The following GAK variants were observed in gnomAD, a reference collection of about 807,000 sequenced individuals.
GAK encodes cyclin G associated kinase.
Under a neutral mutation model 143.9 loss-of-function variants are expected in GAK, and 79 were observed. The observed-to-expected ratio is 0.55, with a 90% CI of 0.46 to 0.66. The LOEUF (loss-of-function observed/expected upper bound fraction) is 0.66, where lower values mean the gene tolerates loss of function less well. Ranked by LOEUF, GAK falls within the 30% of genes least tolerant of loss-of-function variation. GAK has a pLI of 0.00. For synonymous variants in GAK, 881 were observed against 765.5 expected, an observed-to-expected ratio of 1.15 and a Z score of -2.49; for missense variants, 1,693 against 1,779.7, an observed-to-expected ratio of 0.95 and a Z score of 0.88.
At chr4:872,948 C>T (rs953281551) in intron 18 of GAK, among the ~76,000 whole-genome samples, 1 of 151,704 alleles carries the variant, frequency 6.6e-6, no homozygotes, top group African/African-American at 2.4e-5. Context: ...AGGCTCACCA[C>T]GCAGGGAACA....
At chr4:873,164 T>C (rs980431163) in intron 18 of GAK, among the ~76,000 whole-genome samples, 1 of 152,232 alleles carries the variant, frequency 6.6e-6, no homozygotes, top group Admixed American at 6.5e-5. Context: ...TTCCTTTTAA[T>C]GTATGCATTT....
At chr4:878,275 G>C (rs1388139253) in intron 15 of GAK, among the ~76,000 whole-genome samples, 1 of 152,046 alleles carries the variant, frequency 6.6e-6, no homozygotes, top group Admixed American at 6.5e-5. Context: ...TGTAATCCCA[G>C]CTACTCGGGA....
At chr4:857,406 C>T (rs182429815) in intron 24 of GAK, among the ~76,000 whole-genome samples, 11 of 152,284 alleles carry the variant, frequency 7.2e-5, no homozygotes, top group East Asian at 1.9e-4. Flanking sequence ...TTTCAACATT[C>T]GGTGAAATTC....
At chr4:917,543 C>T (rs1289766022) in intron 1 of GAK, among the ~76,000 whole-genome samples, 2 of 152,156 alleles carry the variant, frequency 1.3e-5, no homozygotes, top group African/African-American at 4.8e-5. Flanking sequence ...AGTACATATA[C>T]ACATACAGTT....
chr4:926,002 C>A (rs1724658547), intron 1 of GAK, among the ~76,000 whole-genome samples: 2 of 152,066 alleles, frequency 1.3e-5, no homozygotes, highest in South Asian at 4.1e-4. Flanking sequence ...CAGTGGTGAG[C>A]CCACCCGGGG....
chr4:851,464 C>T (rs1344603541), intron 25 of GAK: 2 of 543,136 alleles, frequency 3.7e-6, no homozygotes, highest in African/African-American at 3.8e-5. Context: ...ACAGGGCTAC[C>T]ATCCTGATGC....
At chr4:903,929 G>A (rs867779361) in intron 5 of GAK, among the ~76,000 whole-genome samples, 36 of 152,242 alleles carry the variant, frequency 2.4e-4, no homozygotes, top group Non-Finnish European at 4.1e-4. Flanking sequence ...GATCTCTGTC[G>A]GCAAAGGCCT....
intron 24 of GAK, among the ~76,000 whole-genome samples, chr4:855,116 C>CT (rs1302200834): frequency 6.6e-6 from 1 of 152,182 alleles, no homozygotes; most frequent in Non-Finnish European, 1.5e-5. Flanking sequence ...TCATTTGTAT[C>CT]TAGGAAAATC....
chr4:862,486 C>G (rs1015285313), intron 23 of GAK, among the ~76,000 whole-genome samples: 2 of 152,064 alleles, frequency 1.3e-5, no homozygotes, highest in African/African-American at 4.8e-5. Context: ...CAGTGAAACC[C>G]CGTCTCTAGG....
chr4:913,793 CAT>C, intron 1 of GAK, 125 bp from the exon 2 acceptor site: 1 of 788,078 alleles, frequency 1.3e-6, no homozygotes, highest in Middle Eastern at 2.5e-4. Flanking sequence ...TTCTACAAAA[CAT>C]AATGGCCCCA....
At chr4:879,111 G>T (rs1422526397) in intron 15 of GAK, among the ~76,000 whole-genome samples, 2 of 152,224 alleles carry the variant, frequency 1.3e-5, no homozygotes, top group Non-Finnish European at 2.9e-5. Flanking sequence ...AAGCCTCAAG[G>T]TCCAGGGAGA....
chr4:873,317 A>T (rs1226362647), intron 18 of GAK, among the ~76,000 whole-genome samples: 2 of 152,180 alleles, frequency 1.3e-5, no homozygotes, highest in Non-Finnish European at 2.9e-5. Context: ...TAACGAGCAT[A>T]CGGTCTCTGG....
intron 1 of GAK, among the ~76,000 whole-genome samples, chr4:924,365 G>A (rs543274901): frequency 6.6e-6 from 1 of 152,208 alleles, no homozygotes; most frequent in African/African-American, 2.4e-5. Context: ...GTAAAATGGT[G>A]CAGCTACCGT....
chr4:907,553 A>G (rs1457163745), intron 4 of GAK, among the ~76,000 whole-genome samples: 1 of 152,238 alleles, frequency 6.6e-6, no homozygotes, highest in African/African-American at 2.4e-5. Flanking sequence ...TCAGTGCCTC[A>G]TTCTCAGTGA....
intron 27 of GAK, 58 bp from the exon 28 acceptor site, chr4:849,832 G>GGGGGGGGGGC: frequency 4.0e-6 from 5 of 1,256,598 alleles, no homozygotes; most frequent in African/African-American, 1.9e-5. Flanking sequence ...GGGCGGGGCA[G>GGGGGGGGGGC]GACCCCCCCC....
chr4:862,417 T>C (rs1003438185), intron 23 of GAK, among the ~76,000 whole-genome samples: 11 of 152,134 alleles, frequency 7.2e-5, no homozygotes, highest in Non-Finnish European at 1.6e-4. Flanking sequence ...TCCCAGCACT[T>C]TGGGAGGCTG....
Position 868,503 on chromosome 4 carries a change from C to A in GAK, c.2395+36G>T, listed in dbSNP as rs181798150. ...GGGCACCTCCAGACCAGGGGCCTGC[C>A]CTCTGCAAGTGGCCAGGTCCAGGGA... is the stretch of plus-strand genomic sequence containing the variant. On this transcript the variant is annotated intron_variant, in intron 20 of 27. Transcript: ENST00000314167. The A allele has an allele frequency of 2.5e-6, 4 of 1,593,484 alleles. 1 individual carries two copies. The highest frequency in any genetic ancestry group is 1.7e-6 in the Non-Finnish European group (2 of 1,175,678).
chr4:882,517 C>A (rs934741990), intron 14 of GAK, among the ~76,000 whole-genome samples, 180 bp downstream of exon 14: 8 of 150,890 alleles, frequency 5.3e-5, no homozygotes, highest in Middle Eastern at 3.4e-3. Context: ...GAGGGAAGGG[C>A]GGGGCCATCT....
intron 26 of GAK, chr4:850,302 G>A (rs769382280): frequency 2.4e-4 from 107 of 440,972 alleles, no homozygotes; most frequent in Middle Eastern, 5.9e-4. Flanking sequence ...AGGGACCCTC[G>A]TCTCAGCCAG....
Sources: gnomAD v4.1 joint callset for allele counts (sites outside exome capture counted in the v4.1 genomes callset) on GRCh38, gnomAD v4.1.1 for gene constraint, MANE v1.5 for transcripts, NCBI Gene and HGNC (gene_info 2026-07-23, HGNC 2026-07-21) for gene names.